The following CCDC33 variants were observed in gnomAD, a reference collection of about 807,000 sequenced individuals.
The protein encoded by CCDC33 is coiled-coil domain-containing protein 33.
A neutral mutation model predicts 91.9 loss-of-function variants in CCDC33; 94 were observed. That is an observed-to-expected ratio of 1.02 (90% CI 0.87 to 1.21). The LOEUF (loss-of-function observed/expected upper bound fraction) is 1.21, where lower values mean the gene tolerates loss of function less well. Among genes scored for constraint, CCDC33 ranks in the 50% most tolerant of loss-of-function variants. The pLI is 0.00. For synonymous variants in CCDC33, 396 were observed against 374.5 expected, an observed-to-expected ratio of 1.06 and a Z score of -0.66; for missense variants, 940 against 935.5, an observed-to-expected ratio of 1.00 and a Z score of -0.06.
rs773641844 is a variant in CCDC33 at position 74,330,303 on chromosome 15, C to T, written c.1405C>T (p.Gln469Ter). The T allele has an allele frequency of 3.7e-6, 6 of 1,611,082 alleles. No individual in the cohort carries two copies. The highest frequency in any genetic ancestry group is 1.7e-5 in the Admixed American group (1 of 59,784). ...CCGCATACTGAGGAGCCGCCTGGCCCAGCAGGAGGAGGAAGAGGGGCAGGG... is the reference window on the plus strand; with the variant it reads ...CCGCATACTGAGGAGCCGCCTGGCCTAGCAGGAGGAGGAAGAGGGGCAGGG... ...ENRILRSRLA[Q>*]QEEEEGQGKA... is the part of the protein sequence containing the mutation. The change falls in exon 12 of 19, where the codon CAG becomes TAG. Residue 469 changes from glutamine to a stop codon, truncating the protein, a stop_gained. Transcript: ENST00000398814. LOFTEE classifies it high-confidence loss of function.
intron 1 of CCDC33, chr15:74,208,867 G>A (rs759248163): frequency 1.6e-5 from 16 of 989,304 alleles, no homozygotes; most frequent in South Asian, 4.6e-5. Context: ...GATCTCTCCC[G>A]GAAACTTGTC....
intron 2 of CCDC33, among the ~76,000 whole-genome samples, chr15:74,226,371 C>T (rs548452415): frequency 8.5e-5 from 13 of 152,272 alleles, no homozygotes; most frequent in East Asian, 1.9e-4. Flanking sequence ...CTCATCTGTA[C>T]GATGGACAGA....
chr15:74,255,678 C>T (rs2142337226), intron 2 of CCDC33, among the ~76,000 whole-genome samples: 1 of 152,388 alleles, frequency 6.6e-6, no homozygotes, highest in Non-Finnish European at 1.5e-5. Context: ...GATCCCTCCA[C>T]AGCACCCTGG....
At chr15:74,319,257 C>T (rs1377904358) in intron 11 of CCDC33, among the ~76,000 whole-genome samples, 3 of 152,216 alleles carry the variant, frequency 2.0e-5, no homozygotes, top group African/African-American at 7.2e-5. Context: ...TGAGCAGGCA[C>T]GGAGTGGGCA....
At chr15:74,210,521 TG>T (rs1250294513) in intron 2 of CCDC33, among the ~76,000 whole-genome samples, 2 of 152,256 alleles carry the variant, frequency 1.3e-5, no homozygotes, top group Non-Finnish European at 2.9e-5. Context: ...AAAGTGAATC[TG>T]GCAGACACAC....
chr15:74,236,528 CACAT>C lies in CCDC33; in HGVS notation c.-191_-188del. ...CACCTGGCCACCCTCCCCCTCCCCC[CACAT>C]CCAGGCCCCAGGGCTGGTGTGTGGC... On this transcript the variant is annotated 5_prime_UTR_variant, in exon 1 of 19. Coordinates refer to ENST00000398814, the MANE Select transcript of CCDC33 (RefSeq NM_025055.5). 2 of 430,528 alleles carry C rather than the reference CACAT, an allele frequency of 4.6e-6. No individual in the cohort carries two copies. The highest frequency in any genetic ancestry group is 7.9e-5 in the South Asian group (2 of 25,324). The allele number at this position is 430,528 out of a possible 1,614,324, so 26.7% of individuals were successfully genotyped here.
At chr15:74,225,117 C>CGTGTGT (rs3057568) in intron 2 of CCDC33, among the ~76,000 whole-genome samples, 8,818 of 139,832 alleles carry the variant, frequency 0.063, 373 homozygotes, top group African/African-American at 0.12. Context: ...CTCCTGGAGG[C>CGTGTGT]GTGTGTGTGT....
chr15:74,245,889 A>G (rs1162109886), intron 2 of CCDC33, among the ~76,000 whole-genome samples: 1 of 152,158 alleles, frequency 6.6e-6, no homozygotes, highest in Non-Finnish European at 1.5e-5. Context: ...CACCAGCTCG[A>G]GGTGGTGCTA....
At chr15:74,290,233 A>G (rs2059561861) in intron 10 of CCDC33, among the ~76,000 whole-genome samples, 3 of 151,206 alleles carry the variant, frequency 2.0e-5, no homozygotes, top group South Asian at 4.2e-4. Flanking sequence ...GCTGGAGCAC[A>G]ATAGCATGAT....
intron 2 of CCDC33, among the ~76,000 whole-genome samples, chr15:74,219,739 G>A (rs2074540413): frequency 6.6e-6 from 1 of 152,122 alleles, no homozygotes; most frequent in Non-Finnish European, 1.5e-5. Flanking sequence ...TCATCCATCA[G>A]ACATTTGTTA....
Position 74,268,439 on chromosome 15 carries a change from G to T in CCDC33, c.527G>T (p.Cys176Phe). ...AGCTTCATACCCCGCTACATCGGCTGCAACCACATGGCTCTGGAGGTACCA... is the reference window on the plus strand; with the variant it reads ...AGCTTCATACCCCGCTACATCGGCTTCAACCACATGGCTCTGGAGGTACCA... ...KSSFIPRYIG[C>F]NHMALEIFLR... Residue 176 changes from cysteine (C) to phenylalanine (F), a missense_variant, in exon 5 of 19, where the codon TGC becomes TTC. By Grantham distance (205) the Cys-to-Phe change is radical. Coordinates refer to ENST00000398814, the MANE Select transcript of CCDC33 (RefSeq NM_025055.5). 6.4e-7 allele frequency: 1 copy of T among 1,555,258 alleles called. No individual in the cohort carries two copies.
At chr15:74,204,890 G>A (rs1168434433) in intron 1 of CCDC33, among the ~76,000 whole-genome samples, 12 of 152,128 alleles carry the variant, frequency 7.9e-5, no homozygotes, top group African/African-American at 2.4e-4. Flanking sequence ...AGCCAAGATC[G>A]TGCCACTGCA....
chr15:74,212,357 A>T (rs373492237), upstream of CCDC33: 1 of 152,280 alleles, frequency 6.6e-6, no homozygotes, highest in Admixed American at 6.5e-5. Flanking sequence ...CAAGTCTGGC[A>T]GAGGGGGGCT....
chr15:74,221,088 A>G lies in CCDC33; in HGVS notation c.675+2227A>G, dbSNP rs143207175. Among the ~76,000 whole-genome samples, 10 of 152,090 alleles carry G rather than the reference A, an allele frequency of 6.6e-5. No individual in the cohort carries two copies. The East Asian group carries it at 1.7e-3, about 26-fold the overall frequency. ...CTTCCAGGAAGCCTTCCCAGCATTG[A>G]TTTTATCCCTCCCAAGTTATCCTCA... On this transcript the variant is annotated intron_variant, in intron 2 of 2. Transcript: ENST00000635913.
chr15:74,207,265 G>C (rs1462154030), intron 1 of CCDC33, among the ~76,000 whole-genome samples: 2 of 152,128 alleles, frequency 1.3e-5, no homozygotes, highest in East Asian at 3.8e-4. Flanking sequence ...AGCATCCCCA[G>C]AACCTCAGAA....
At chr15:74,217,211 C>T (rs2074466778) in exon 1 of CCDC33, 1 of 1,177,012 alleles carries the variant, frequency 8.5e-7, no homozygotes, top group Non-Finnish European at 1.1e-6. Flanking sequence ...AGACTGGGTC[C>T]AGGCTGGGCT....
Position 74,272,630 on chromosome 15 carries a change from T to C in CCDC33, c.639-141T>C, listed in dbSNP as rs138703390. ...CGCCCAGCCCAGTGGTCCCCACTTG[T>C]CGTGAGGTCCAGGCCCGAACTCGGC... On this transcript the variant is annotated intron_variant, in intron 6 of 18. Coordinates refer to ENST00000398814, the MANE Select transcript of CCDC33 (RefSeq NM_025055.5). 452 of 1,029,262 alleles carry C rather than the reference T, an allele frequency of 4.4e-4. No homozygotes were observed. The African/African-American group carries it at 6.5e-3, about 15-fold the overall frequency. The allele number at this position is 1,029,262 out of a possible 1,614,324, so 63.8% of individuals were successfully genotyped here.
At chr15:74,327,990 TC>T (rs1331729895) in intron 11 of CCDC33, among the ~76,000 whole-genome samples, 3 of 152,200 alleles carry the variant, frequency 2.0e-5, no homozygotes, top group African/African-American at 4.8e-5. Context: ...GCAGTGAGCA[TC>T]CCTGCATGCA....
chr15:74,317,531 T>C (rs1199098019), intron 11 of CCDC33, among the ~76,000 whole-genome samples: 2 of 152,022 alleles, frequency 1.3e-5, no homozygotes, highest in African/African-American at 4.8e-5. Context: ...TTGAAACGGG[T>C]AGAGGTGACT....
Sources: gnomAD v4.1 joint callset for allele counts (sites outside exome capture counted in the v4.1 genomes callset) on GRCh38, gnomAD v4.1.1 for gene constraint, MANE v1.5 for transcripts, NCBI Gene and HGNC (gene_info 2026-07-23, HGNC 2026-07-21) for gene names.